The following CECR2 variants were observed in gnomAD, a reference collection of about 807,000 sequenced individuals.
CECR2 encodes the protein CECR2 histone acetyl-lysine reader.
In CECR2, 30 loss-of-function variants were observed where a neutral mutation model predicts 154.5. The observed-to-expected ratio is 0.19, with a 90% CI of 0.15 to 0.26. The LOEUF (loss-of-function observed/expected upper bound fraction) is 0.26, where lower values mean the gene tolerates loss of function less well. CECR2 is among the 10% of genes least tolerant of loss of function. The pLI is 1.00. For missense variants in CECR2, 1,743 were observed against 1,829.3 expected (o/e 0.95, Z 0.86); for synonymous variants, 725 against 683.7 (o/e 1.06, Z -0.94).
intron 1 of CECR2, among the ~76,000 whole-genome samples, chr22:17,439,624 T>A (rs77685915): frequency 0.017 from 2,529 of 152,288 alleles, 74 homozygotes; most frequent in African/African-American, 0.056. Context: ...TACTCATACT[T>A]TACTAACAAA....
intron 9 of CECR2, chr22:17,534,791 A>G (rs1601529740): frequency 7.2e-6 from 1 of 139,806 alleles, no homozygotes; most frequent in Non-Finnish European, 1.5e-5. Context: ...TCAGCCTCCC[A>G]AAGTGCGGGG....
rs570852126 is a variant in CECR2, at chr22:17,376,105, T to C, written c.126+6196T>C. Reference sequence around the variant, plus strand: ...AGGATGTGAATTACAGAAGGACAGATCTGTGCAGGCTAAGATCCTGAAAGG... The same window carrying C: ...AGGATGTGAATTACAGAAGGACAGACCTGTGCAGGCTAAGATCCTGAAAGG... On this transcript the variant is annotated intron_variant, in intron 1 of 18. Transcript: ENST00000262608. 1.4e-4 allele frequency among the ~76,000 whole-genome samples: 22 copies of C among 152,264 alleles called. No homozygotes were observed. In the East Asian group the frequency reaches 3.7e-3, roughly 25 times the overall value.
rs932993671 is a variant in CECR2, at chr22:17,524,608, G to A, written c.1108+337G>A. Among the ~76,000 whole-genome samples the A allele has an allele frequency of 2.2e-5, 3 of 137,686 alleles. 1 individual carries two copies. The highest frequency in any genetic ancestry group is 6.5e-3 in the Middle Eastern group (2 of 306). 90.3% of individuals were successfully genotyped at this position (137,686 alleles called of 152,430 possible). A position where few individuals can be genotyped will look rare whatever the true frequency, so the allele number is the denominator to read the frequency against. On this transcript the variant is annotated intron_variant, in intron 9 of 18. Coordinates refer to ENST00000262608, the MANE Select transcript of CECR2 (RefSeq NM_001290047.2). ...GGGGTTTCACTGTGTTAGCCAGGAT[G>A]GTCTCGATATCTTGACCTCGTAATC...
chr22:17,452,548 G>A (rs1229686533), intron 1 of CECR2, among the ~76,000 whole-genome samples: 1 of 152,216 alleles, frequency 6.6e-6, no homozygotes, highest in Admixed American at 6.5e-5. Context: ...TATGGCGTGA[G>A]AGAGAAGAGT....
intron 1 of CECR2, among the ~76,000 whole-genome samples, chr22:17,395,056 C>T (rs1465936101): frequency 6.6e-6 from 1 of 152,162 alleles, no homozygotes; most frequent in Non-Finnish European, 1.5e-5. Flanking sequence ...AATCAAGATA[C>T]AGAGCATTTG....
chr22:17,503,983 G>A (rs2055786493), intron 6 of CECR2, among the ~76,000 whole-genome samples: 1 of 151,916 alleles, frequency 6.6e-6, no homozygotes, highest in Non-Finnish European at 1.5e-5. Flanking sequence ...GGAGGCGGAG[G>A]CTGCAGTGAG....
chr22:17,418,026 G>A (rs965956197), intron 1 of CECR2, among the ~76,000 whole-genome samples: 1 of 151,964 alleles, frequency 6.6e-6, no homozygotes, highest in Non-Finnish European at 1.5e-5. Context: ...GGTATAATTT[G>A]TATACAATTA....
chr22:17,383,010 G>C (rs530405544), intron 1 of CECR2, among the ~76,000 whole-genome samples: 1 of 152,252 alleles, frequency 6.6e-6, no homozygotes, highest in African/African-American at 2.4e-5. Flanking sequence ...GGTGGATCAT[G>C]AGGTCAGGAG....
chr22:17,422,470 T>C (rs2054271056), intron 1 of CECR2, among the ~76,000 whole-genome samples: 3 of 152,378 alleles, frequency 2.0e-5, no homozygotes, highest in Admixed American at 2.0e-4. Context: ...CCCAAAGTGC[T>C]GGGATCCCAT....
chr22:17,485,056 G>C (rs1204999600), intron 2 of CECR2, among the ~76,000 whole-genome samples: 1 of 152,140 alleles, frequency 6.6e-6, no homozygotes, highest in Non-Finnish European at 1.5e-5. Context: ...GCACTTACAG[G>C]ACAGCATAAC....
At chr22:17,512,495 G>A (rs556490846) in intron 8 of CECR2, among the ~76,000 whole-genome samples, 70 of 152,156 alleles carry the variant, frequency 4.6e-4, no homozygotes, top group African/African-American at 9.4e-4. Flanking sequence ...TTGTACTCAC[G>A]AGTTCAAGAC....
At chr22:17,536,788 C>A (rs1157196505) in intron 9 of CECR2, among the ~76,000 whole-genome samples, 1 of 152,034 alleles carries the variant, frequency 6.6e-6, no homozygotes, top group African/African-American at 2.4e-5. Flanking sequence ...CCTTTTTCTT[C>A]GACTGCCATT....
intron 9 of CECR2, among the ~76,000 whole-genome samples, chr22:17,524,639 G>A (rs563053362): frequency 5.2e-5 from 7 of 135,854 alleles, no homozygotes; most frequent in South Asian, 2.4e-4. Context: ...TAATCTGCCC[G>A]CCTTGGCCTC....
chr22:17,409,260 G>A (rs2054032854), intron 1 of CECR2, among the ~76,000 whole-genome samples: 1 of 114,042 alleles, frequency 8.8e-6, no homozygotes, highest in African/African-American at 2.9e-5. Context: ...AGCCTTCTGA[G>A]TAACTGGGAT....
At chr22:17,529,868 T>C (rs903858362) in intron 9 of CECR2, among the ~76,000 whole-genome samples, 1 of 152,210 alleles carries the variant, frequency 6.6e-6, no homozygotes, top group African/African-American at 2.4e-5. Context: ...AATAACCTTT[T>C]CCAGACTTTT....
chr22:17,550,022 ACT>A (rs1224841913), intron 17 of CECR2, among the ~76,000 whole-genome samples: 1 of 151,594 alleles, frequency 6.6e-6, no homozygotes, highest in Non-Finnish European at 1.5e-5. Flanking sequence ...GATGTTGTAC[ACT>A]CTGTAGGAAG....
chr22:17,510,728 A>T (rs541815990), intron 7 of CECR2, among the ~76,000 whole-genome samples: 119 of 152,182 alleles, frequency 7.8e-4, no homozygotes, highest in African/African-American at 2.7e-3. Context: ...CAGCCTCCTG[A>T]GTAGCTGGGA....
intron 7 of CECR2, among the ~76,000 whole-genome samples, chr22:17,506,647 T>TTTTG (rs757481198): frequency 1.2e-4 from 18 of 152,100 alleles, no homozygotes; most frequent in African/African-American, 2.9e-4. Context: ...TTTCATGTTT[T>TTTTG]TTTGTTTGTT....
chr22:17,376,357 G>T (rs556056251), intron 1 of CECR2, among the ~76,000 whole-genome samples: 11 of 143,624 alleles, frequency 7.7e-5, no homozygotes, highest in African/African-American at 3.0e-4. Context: ...GCTTTGCAAC[G>T]GAAGTTAAGT....
Sources: gnomAD v4.1 joint callset for allele counts (sites outside exome capture counted in the v4.1 genomes callset) on GRCh38, gnomAD v4.1.1 for gene constraint, MANE v1.5 for transcripts, NCBI Gene and HGNC (gene_info 2026-07-23, HGNC 2026-07-21) for gene names.